The following DLGAP1 variants were observed in gnomAD, a reference collection of about 807,000 sequenced individuals.
DLGAP1 encodes the protein disks large-associated protein 1.
A neutral mutation model predicts 90.8 loss-of-function variants in DLGAP1; 11 were observed. That is an observed-to-expected ratio of 0.12 (90% CI 0.08 to 0.20). The LOEUF is 0.20. Among genes scored for constraint, DLGAP1 ranks in the 10% least tolerant of loss-of-function variants. The pLI, the probability that DLGAP1 is intolerant of heterozygous loss-of-function variation, is 1.00. For synonymous variants in DLGAP1, 558 were observed against 540.7 expected, an observed-to-expected ratio of 1.03 and a Z score of -0.44; for missense variants, 1,050 against 1,333.8, an observed-to-expected ratio of 0.79 and a Z score of 3.31.
At position 3,879,056 on chromosome 18, in the gene DLGAP1, C is replaced by T. The variant is rs1466506869; in HGVS notation, c.957+56G>A. ...CCAAGACTAGAACCAGGAGAAATGC[C>T]CACACAAGCATGCCAGGTACTACTT... On this transcript the variant is annotated intron_variant, in intron 4 of 12. Coordinates refer to ENST00000315677, the MANE Select transcript of DLGAP1 (RefSeq NM_004746.4). This position sits in a 1 kb window ranked among gnomAD's most constrained non-coding sequence, Gnocchi z 6.6. The T allele has an allele frequency of 2.2e-6, 3 of 1,375,768 alleles. No individual in the cohort carries two copies. Among genetic ancestry groups the T allele is most frequent in the Non-Finnish European group, 2.9e-6 (3 of 1,038,702 alleles). 85.2% of individuals were successfully genotyped at this position (1,375,768 alleles called of 1,614,324 possible).
chr18:4,039,101 A>G (rs1223024586), intron 2 of DLGAP1, among the ~76,000 whole-genome samples: 3 of 152,242 alleles, frequency 2.0e-5, no homozygotes, highest in Non-Finnish European at 4.4e-5. Flanking sequence ...CCTCGAAAAC[A>G]AGAAAGAAAA....
At chr18:4,142,667 T>C (rs750326239) in intron 2 of DLGAP1, among the ~76,000 whole-genome samples, 2 of 152,192 alleles carry the variant, frequency 1.3e-5, no homozygotes, top group Non-Finnish European at 2.9e-5. Flanking sequence ...CTTGAGAAGA[T>C]TTATAGAATA....
At chr18:3,818,350 T>G (rs927072585) in intron 4 of DLGAP1, among the ~76,000 whole-genome samples, 2 of 9,238 alleles carry the variant, frequency 2.2e-4, no homozygotes, top group African/African-American at 1.6e-3. Context: ...GGGATGGTTT[T>G]TTTTTTTTTT....
intron 1 of DLGAP1, among the ~76,000 whole-genome samples, chr18:4,172,047 C>G (rs2077035432): frequency 6.6e-6 from 1 of 152,044 alleles, no homozygotes; most frequent in Non-Finnish European, 1.5e-5. Flanking sequence ...TTTTTCCTTC[C>G]TTTTCAAAGA....
At chr18:3,853,929 CT>C (rs1165427865) in intron 4 of DLGAP1, among the ~76,000 whole-genome samples, 1 of 151,960 alleles carries the variant, frequency 6.6e-6, no homozygotes, top group Non-Finnish European at 1.5e-5. Flanking sequence ...ATTGTGCTTT[CT>C]TTTTTTCCCT....
At chr18:3,661,360 C>T (rs1378730459) in intron 7 of DLGAP1, among the ~76,000 whole-genome samples, 1 of 152,182 alleles carries the variant, frequency 6.6e-6, no homozygotes, top group East Asian at 1.9e-4. Context: ...CTGCTTTGAC[C>T]ATTAGAATAC....
chr18:3,936,553 C>T (rs2072645354), intron 3 of DLGAP1, among the ~76,000 whole-genome samples: 1 of 152,222 alleles, frequency 6.6e-6, no homozygotes. Flanking sequence ...GCCATTATTT[C>T]CCAACAACAC....
At chr18:3,856,818 G>A (rs951212175) in intron 4 of DLGAP1, among the ~76,000 whole-genome samples, 34 of 151,484 alleles carry the variant, frequency 2.2e-4, no homozygotes, top group African/African-American at 8.3e-4. Context: ...CCGAGATTCC[G>A]CCACCGCACT....
At chr18:3,626,372 T>C (rs970421862) in intron 7 of DLGAP1, among the ~76,000 whole-genome samples, 1 of 150,378 alleles carries the variant, frequency 6.6e-6, no homozygotes, top group Non-Finnish European at 1.5e-5. Flanking sequence ...GGTGGGAGGA[T>C]TGCGTAAGCC....
In DLGAP1 at chr18:3,879,954, G is replaced by T; in HGVS notation, c.115C>A (p.His39Asn). The T allele has an allele frequency of 1.2e-6, 2 of 1,611,950 alleles. No homozygotes were observed. The highest frequency in any genetic ancestry group is 8.5e-7 in the Non-Finnish European group (1 of 1,179,664). The part of the protein sequence containing the change: ...RKPYLLSPVE[H>N]HPADHPYYTQ... Reference sequence around the variant, plus strand: ...TAGTATGGGTGGTCTGCGGGGTGGTGCTCCACTGGGCTCAGCAGGTAGGGC... The same window carrying T: ...TAGTATGGGTGGTCTGCGGGGTGGTTCTCCACTGGGCTCAGCAGGTAGGGC... Residue 39 changes from histidine to asparagine, a missense_variant, in exon 4 of 13, where the codon CAC becomes AAC. By Grantham distance (68) the His-to-Asn change is moderately conservative. Around this residue, in one of 2 missense-constraint regions of DLGAP1, gnomAD observed 485 missense variants for 454.1 expected, o/e 1.07. Coordinates refer to ENST00000315677, the MANE Select transcript of DLGAP1 (RefSeq NM_004746.4). The surrounding 1 kb of genome is among the most constrained non-coding windows in gnomAD (Gnocchi z 6.6).
At chr18:4,036,024 G>A (rs1347097303) in intron 2 of DLGAP1, among the ~76,000 whole-genome samples, 1 of 152,050 alleles carries the variant, frequency 6.6e-6, no homozygotes. Context: ...TCACAGATAT[G>A]TCATTTGGTA....
chr18:3,879,128 G>C lies in DLGAP1; in HGVS notation c.941C>G (p.Ser314Cys), dbSNP rs371797552. 8.6e-6 allele frequency: 13 copies of C among 1,504,060 alleles called. No homozygotes were observed. The highest frequency in any genetic ancestry group is 4.7e-5 in the Admixed American group (2 of 42,968). The allele number at this position is 1,504,060 out of a possible 1,614,324, so 93.2% of individuals were successfully genotyped here. A position where few individuals can be genotyped will look rare whatever the true frequency, so the allele number is the denominator to read the frequency against. ...VKSESCQQER[S>C]CQYLQVPQDE... is the part of the protein sequence containing the mutation. The stretch of plus-strand genomic sequence containing the variant: ...AAATGGTACCTGCAGGTACTGGCAG[G>C]AGCGTTCTTGCTGACACGACTCGGA... Residue 314 changes from serine (S) to cysteine (C), a missense_variant, in exon 4 of 13, where the codon TCC becomes TGC. Ser to Cys is a moderately radical substitution (Grantham distance 112). Transcript: ENST00000315677. The surrounding 1 kb of genome is among the most constrained non-coding windows in gnomAD (Gnocchi z 6.6).
intron 7 of DLGAP1, among the ~76,000 whole-genome samples, chr18:3,613,368 G>A (rs930121797): frequency 6.6e-6 from 1 of 152,206 alleles, no homozygotes; most frequent in African/African-American, 2.4e-5. Context: ...GGGACTCACT[G>A]TTGCCCAGGC....
intron 7 of DLGAP1, among the ~76,000 whole-genome samples, chr18:3,702,587 A>C (rs1325524575): frequency 6.6e-6 from 1 of 152,184 alleles, no homozygotes; most frequent in Non-Finnish European, 1.5e-5. Context: ...TTTGAGAGAC[A>C]GGGGAGCGAG....
intron 2 of DLGAP1, among the ~76,000 whole-genome samples, chr18:4,067,030 G>A (rs1404832686): frequency 2.0e-5 from 3 of 152,020 alleles, no homozygotes; most frequent in Admixed American, 6.6e-5. Flanking sequence ...TTGCAGGGAC[G>A]TGGACGGAGC....
At chr18:3,575,904 G>A (rs2055097174) in intron 8 of DLGAP1, among the ~76,000 whole-genome samples, 1 of 152,090 alleles carries the variant, frequency 6.6e-6, no homozygotes, top group African/African-American at 2.4e-5. Context: ...GTGCCACAAG[G>A]TGCTCCCATA....
intron 7 of DLGAP1, among the ~76,000 whole-genome samples, chr18:3,599,712 C>T (rs996652051): frequency 2.6e-5 from 4 of 152,230 alleles, no homozygotes; most frequent in East Asian, 3.9e-4. Flanking sequence ...CTCCACCTCC[C>T]GGGTTCAAGC....
intron 12 of DLGAP1, among the ~76,000 whole-genome samples, chr18:3,500,564 G>A (rs1033723489): frequency 1.3e-5 from 2 of 152,160 alleles, no homozygotes; most frequent in Non-Finnish European, 2.9e-5. Context: ...CCCACCGGCT[G>A]TCTAAGGTGG....
intron 1 of DLGAP1, among the ~76,000 whole-genome samples, chr18:4,258,992 T>C (rs765212289): frequency 6.6e-6 from 1 of 152,246 alleles, no homozygotes; most frequent in Non-Finnish European, 1.5e-5. Context: ...AATTCTGCAA[T>C]GCTTTTACAT....
Sources: allele counts gnomAD v4.1 joint callset (sites outside exome capture counted in the v4.1 genomes callset), GRCh38; gene constraint gnomAD v4.1.1; regional missense constraint gnomAD v4.1.1; non-coding constraint Gnocchi (gnomAD v3.1); transcripts MANE v1.5; gene names NCBI Gene and HGNC (gene_info 2026-07-23, HGNC 2026-07-21).